Variants in ADGRV1 observed in about 807,000 individuals in gnomAD.
ADGRV1 encodes adhesion G protein-coupled receptor V1.
ADGRV1 carries 359 observed loss-of-function variants against 596.2 expected under a neutral mutation model. That is an observed-to-expected ratio of 0.60 (90% CI 0.55 to 0.66). ADGRV1 has a LOEUF of 0.66. Among genes scored for constraint, ADGRV1 ranks in the 30% least tolerant of loss-of-function variants. The probability of loss-of-function intolerance (pLI) is 0.00; values close to 1 mark genes in which losing one functional copy is unlikely to be tolerated. For missense variants in ADGRV1, 7,274 were observed against 7,575.6 expected (o/e 0.96, Z 1.48); for synonymous variants, 2,681 against 2,679.2 (o/e 1.00, Z -0.02).
chr5:90,858,358 A>G (rs535929879), intron 82 of ADGRV1, among the ~76,000 whole-genome samples: 2 of 152,302 alleles, frequency 1.3e-5, no homozygotes, highest in East Asian at 1.9e-4. Context: ...TGAGGATGTC[A>G]AGGAAGCCTA....
chr5:90,596,382 C>T (rs940426114), intron 1 of ADGRV1, among the ~76,000 whole-genome samples: 55 of 151,018 alleles, frequency 3.6e-4, no homozygotes, highest in African/African-American at 1.2e-3. Context: ...ACTTCCCAGA[C>T]GGGGTGGCGG....
Position 90,756,603 on chromosome 5 carries a change from A to G in ADGRV1, c.11730A>G (p.Arg3910=). The G allele has an allele frequency of 6.2e-7, 1 of 1,613,688 alleles. No homozygotes were observed. The highest frequency in any genetic ancestry group is 8.5e-7 in the Non-Finnish European group (1 of 1,179,658). Residue 3910 remains arginine (R), a synonymous_variant, in exon 56 of 90, where the codon AGA becomes AGG. Coordinates refer to ENST00000405460, the MANE Select transcript of ADGRV1 (RefSeq NM_032119.4). The part of the protein sequence containing the change: ...EIMIEENDDP[R]GIFMFHVTRG... Reference sequence around the variant, plus strand: ...TGATAGAAGAAAATGACGATCCCAGAGGAATTTTTATGTTTCATGTTACTA... The same window carrying G: ...TGATAGAAGAAAATGACGATCCCAGGGGAATTTTTATGTTTCATGTTACTA...
In ADGRV1 at chr5:90,745,764, A is replaced by G; in HGVS notation, c.10943A>G (p.Asp3648Gly). 3 of 1,609,266 alleles carry G rather than the reference A, an allele frequency of 1.9e-6. No individual in the cohort carries two copies. The highest frequency in any genetic ancestry group is 2.5e-6 in the Non-Finnish European group (3 of 1,176,478). Reference protein sequence around the residue: ...DSVTITILSNDDAYGIVAFAQ... With the variant: ...DSVTITILSNGDAYGIVAFAQ... ...GTAACAATAACCATTCTGTCTAATG[A>G]TGATGCCTATGGAATTGTTGCATTT... Residue 3648 changes from aspartate (D) to glycine (G), a missense_variant, in exon 52 of 90, where the codon GAT (aspartate) becomes GGT (glycine). Asp to Gly is a moderately conservative substitution (Grantham distance 94). This residue lies in a region of ADGRV1 where 3,643 missense variants were observed against 3,809.2 expected (regional missense o/e 0.96). Coordinates refer to ENST00000405460, the MANE Select transcript of ADGRV1 (RefSeq NM_032119.4).
intron 16 of ADGRV1, 77 bp downstream of exon 16, chr5:90,646,168 A>G (rs1219138166): frequency 5.4e-6 from 5 of 917,630 alleles, no homozygotes; most frequent in South Asian, 3.5e-5. Flanking sequence ...GCACGTGCAT[A>G]TATACATTTA....
chr5:91,007,329 T>G (rs1029405722), intron 85 of ADGRV1, among the ~76,000 whole-genome samples: 47 of 152,090 alleles, frequency 3.1e-4, no homozygotes, highest in Non-Finnish European at 2.9e-4. Context: ...ATACAAAATG[T>G]TTTTTAACAT....
chr5:90,811,111 A>C lies in ADGRV1; in HGVS notation c.15851A>C (p.Asn5284Thr), dbSNP rs1161650708. 1 of 1,613,808 alleles carries C rather than the reference A, an allele frequency of 6.2e-7. No homozygotes were observed. Among genetic ancestry groups the C allele is most frequent in the Admixed American group, 1.7e-5 (1 of 60,022 alleles). Residue 5284 changes from asparagine to threonine, a missense_variant, in exon 74 of 90, where the codon AAC (asparagine) becomes ACC (threonine). Coordinates refer to ENST00000405460, the MANE Select transcript of ADGRV1 (RefSeq NM_032119.4). The stretch of plus-strand genomic sequence containing the variant: ...TTTCGTGGTATCTATGGGATTTCCA[A>C]CCTAACATGGGCAGTTGAAGAAGAA... ...LPFRGIYGIS[N>T]LTWAVEEEDF...
At chr5:90,564,880 C>T (rs1480006307) in intron 1 of ADGRV1, among the ~76,000 whole-genome samples, 2 of 26,432 alleles carry the variant, frequency 7.6e-5, no homozygotes, top group Non-Finnish European at 1.5e-4. Context: ...CCCGCCTCGG[C>T]CTCCCAAAGT....
At chr5:90,815,778 T>C (rs1762837460) in intron 75 of ADGRV1, 42 bp downstream of exon 75, 1 of 1,075,388 alleles carries the variant, frequency 9.3e-7, no homozygotes, top group African/African-American at 1.6e-5. Flanking sequence ...ACATTCTGTG[T>C]GTCTGTACAA....
In ADGRV1 at chr5:90,652,372, G is replaced by T. The variant is rs200945405; in HGVS notation, c.3443G>T (p.Gly1148Val). The T allele has an allele frequency of 1.9e-6, 3 of 1,603,426 alleles. No individual in the cohort carries two copies. Among genetic ancestry groups the T allele is most frequent in the Non-Finnish European group, 2.6e-6 (3 of 1,175,852 alleles). The change falls in exon 19 of 90, where the codon GGT becomes GTT. Residue 1148 changes from glycine (G) to valine (V), a missense_variant. By Grantham distance (109) the Gly-to-Val change is moderately radical. Transcript: ENST00000405460. Reference sequence around the variant, plus strand: ...ATTTTGAGGCACCGAGGATACTTTGGTAGTGTTTCTGTATCTTGGCAGCTC... The same window carrying T: ...ATTTTGAGGCACCGAGGATACTTTGTTAGTGTTTCTGTATCTTGGCAGCTC... ...FWILRHRGYF[G>V]SVSVSWQLFQ...
chr5:91,056,304 C>A (rs1786849124), intron 85 of ADGRV1, among the ~76,000 whole-genome samples: 1 of 152,036 alleles, frequency 6.6e-6, no homozygotes, highest in Non-Finnish European at 1.5e-5. Context: ...TGGATCAGAC[C>A]AGCAGCAAAC....
intron 21 of ADGRV1, among the ~76,000 whole-genome samples, chr5:90,659,221 C>A (rs1327074570): frequency 6.6e-6 from 1 of 152,120 alleles, no homozygotes; most frequent in Non-Finnish European, 1.5e-5. Context: ...TCATACAAAT[C>A]TACAACTTGA....
At chr5:91,013,759 G>T (rs1300560359) in intron 85 of ADGRV1, among the ~76,000 whole-genome samples, 1 of 151,974 alleles carries the variant, frequency 6.6e-6, no homozygotes, top group African/African-American at 2.4e-5. Context: ...TGCTGTTGTT[G>T]TCTTTGTCAT....
chr5:90,679,583 T>A lies in ADGRV1; in HGVS notation c.5478T>A (p.Ser1826Arg). Residue 1826 changes from serine to arginine, a missense_variant, in exon 26 of 90, where the codon AGT (serine) becomes AGA (arginine). Physicochemically the swap from Ser to Arg is moderately radical, Grantham distance 110 (BLOSUM62 -1). Around this residue, in one of 5 missense-constraint regions of ADGRV1, gnomAD observed 3,643 missense variants for 3,809.2 expected, o/e 0.96. Transcript: ENST00000405460. ...TCTTTAGGGTTGATGGAAGTGGTAGTGGTGATGGGGACATGGAATTCTTCC... is the reference window on the plus strand; with the variant it reads ...TCTTTAGGGTTGATGGAAGTGGTAGAGGTGATGGGGACATGGAATTCTTCC... ...AELFRVDGSG[S>R]GDGDMEFFLP... 6.2e-7 allele frequency: 1 copy of A among 1,613,738 alleles called. No homozygotes were observed.
intron 86 of ADGRV1, among the ~76,000 whole-genome samples, chr5:91,087,077 G>A (rs1789940352): frequency 6.6e-6 from 1 of 152,004 alleles, no homozygotes; most frequent in African/African-American, 2.4e-5. Flanking sequence ...CTCAATATTT[G>A]TATGTTCAAA....
intron 78 of ADGRV1, among the ~76,000 whole-genome samples, chr5:90,842,849 T>A (rs931077889): frequency 3.3e-5 from 5 of 152,212 alleles, no homozygotes; most frequent in Non-Finnish European, 5.9e-5. Flanking sequence ...ACTACTTTTT[T>A]AAAAATAGTA....
At position 90,637,913 on chromosome 5, in the gene ADGRV1, G is replaced by A. The variant is rs756288880; in HGVS notation, c.2205G>A (p.Pro735=). 18 of 1,612,890 alleles carry A rather than the reference G, an allele frequency of 1.1e-5. No homozygotes were observed. The highest frequency in any genetic ancestry group is 1.4e-5 in the Non-Finnish European group (17 of 1,179,394). The change falls in exon 11 of 90, where the codon CCG becomes CCA. Residue 735 remains proline, a synonymous_variant. Transcript: ENST00000405460. ...INITIKGDDI[P]EMNETVTLSL... is the part of the protein sequence containing the mutation. The stretch of plus-strand genomic sequence containing the variant: ...TTACTATCAAAGGTGATGACATACC[G>A]GAAATGAATGAAACTGTAACACTTT...
At chr5:90,949,586 G>A (rs1197500282) in intron 83 of ADGRV1, among the ~76,000 whole-genome samples, 1 of 152,168 alleles carries the variant, frequency 6.6e-6, no homozygotes, top group Non-Finnish European at 1.5e-5. Flanking sequence ...TCCAGAATAA[G>A]TTACTGAAAG....
At chr5:90,778,241 C>A (rs1758463658) in intron 62 of ADGRV1, among the ~76,000 whole-genome samples, 186 bp from the exon 63 acceptor site, 1 of 150,916 alleles carries the variant, frequency 6.6e-6, no homozygotes, top group African/African-American at 2.4e-5. Flanking sequence ...GTACGGTTGA[C>A]AATGGAGATT....
At chr5:91,060,840 C>T (rs1161241413) in intron 85 of ADGRV1, among the ~76,000 whole-genome samples, 1 of 151,780 alleles carries the variant, frequency 6.6e-6, no homozygotes, top group Admixed American at 6.6e-5. Flanking sequence ...ATTTCCAGGT[C>T]AGTGTAATGT....
Sources: gnomAD v4.1 joint callset for allele counts (sites outside exome capture counted in the v4.1 genomes callset) on GRCh38, gnomAD v4.1.1 for gene constraint, gnomAD v4.1.1 regional missense constraint, MANE v1.5 for transcripts, NCBI Gene and HGNC (gene_info 2026-07-23, HGNC 2026-07-21) for gene names.